The following SESN2 variants were observed in gnomAD, a reference collection of about 807,000 sequenced individuals.
SESN2 encodes the protein sestrin 2, also known as sestrin-2.
Under a neutral mutation model 56.0 loss-of-function variants are expected in SESN2, and 42 were observed. That is an observed-to-expected ratio of 0.75 (90% CI 0.59 to 0.97). SESN2 has a LOEUF of 0.97. Among genes scored for constraint, SESN2 ranks in the 50% least tolerant of loss-of-function variants. The pLI is 0.00. For missense variants in SESN2, 507 were observed against 649.4 expected (o/e 0.78, Z 2.38); for synonymous variants, 264 against 267.1 (o/e 0.99, Z 0.11).
Position 28,272,345 on chromosome 1 carries a change from C to A in SESN2, c.416C>A (p.Thr139Asn). ...VGSHMAEFLQ[T>N]GGDPEWLLGL... Reference sequence around the variant, plus strand: ...TCCCACATGGCCGAGTTTCTGCAGACTGGTGGTGACCCTGAGTGGCTGCTG... The same window carrying A: ...TCCCACATGGCCGAGTTTCTGCAGAATGGTGGTGACCCTGAGTGGCTGCTG... Residue 139 changes from threonine (T) to asparagine (N), a missense_variant, in exon 4 of 10, where the codon ACT becomes AAT. Transcript: ENST00000253063. 3 of 1,614,122 alleles carry A rather than the reference C, an allele frequency of 1.9e-6. No homozygotes were observed. Among genetic ancestry groups the A allele is most frequent in the Non-Finnish European group, 2.5e-6 (3 of 1,180,024 alleles).
intron 1 of SESN2, among the ~76,000 whole-genome samples, chr1:28,265,000 TCC>T (rs1186616428): frequency 1.3e-5 from 2 of 152,216 alleles, no homozygotes; most frequent in East Asian, 3.9e-4. Flanking sequence ...CTGGGTTGTA[TCC>T]CAGCCCTGCT....
At position 28,280,787 on chromosome 1, in the gene SESN2, C is replaced by G; in HGVS notation, c.1428C>G (p.Thr476=). The change falls in exon 10 of 10, where the codon ACC becomes ACG. Residue 476 remains threonine, a synonymous_variant. Coordinates refer to ENST00000253063, the MANE Select transcript of SESN2 (RefSeq NM_031459.5). Reference sequence around the variant, plus strand: ...TGCTGTACGCCCTCCGTGCCATCACCCGCTACATGACCTGACTCCTGAGCA... The same window carrying G: ...TGCTGTACGCCCTCCGTGCCATCACGCGCTACATGACCTGACTCCTGAGCA... ...AALLYALRAI[T]RYMT is the part of the protein sequence containing the mutation. 1 of 1,613,556 alleles carries G rather than the reference C, an allele frequency of 6.2e-7. No individual in the cohort carries two copies. The highest frequency in any genetic ancestry group is 1.1e-5 in the South Asian group (1 of 91,088).
chr1:28,270,597 G>A (rs1353518422), intron 2 of SESN2, among the ~76,000 whole-genome samples: 20 of 150,500 alleles, frequency 1.3e-4, no homozygotes, highest in Non-Finnish European at 8.9e-5. Flanking sequence ...TTGAAACGAA[G>A]TTTTGTTCTT....
At position 28,259,827 on chromosome 1, in the gene SESN2, G is replaced by T; in HGVS notation, c.-21G>T. 1 of 1,366,242 alleles carries T rather than the reference G, an allele frequency of 7.3e-7. No homozygotes were observed. The allele number at this position is 1,366,242 out of a possible 1,614,324, so 84.6% of individuals were successfully genotyped here. On this transcript the variant is annotated 5_prime_UTR_variant, in exon 1 of 10. Transcript: ENST00000253063. ...GGTGCACGGGTCGTCGGCGAGCCGC[G>T]ACCGGGTCCTGGCGCGCACCATGAT... is the stretch of plus-strand genomic sequence containing the variant.
At chr1:28,261,001 C>T (rs1003039377) in intron 1 of SESN2, among the ~76,000 whole-genome samples, 1 of 152,150 alleles carries the variant, frequency 6.6e-6, no homozygotes, top group Non-Finnish European at 1.5e-5. Context: ...TTCATTAACC[C>T]CACTGAATAT....
At chr1:28,279,900 C>T (rs1648174837) in intron 9 of SESN2, among the ~76,000 whole-genome samples, 1 of 152,022 alleles carries the variant, frequency 6.6e-6, no homozygotes. Context: ...GTTGCCCAGG[C>T]TGGAGCGCAG....
At position 28,279,151 on chromosome 1, in the gene SESN2, G is replaced by C; in HGVS notation, c.1266G>C (p.Lys422Asn). 1 of 1,614,142 alleles carries C rather than the reference G, an allele frequency of 6.2e-7. No individual in the cohort carries two copies. The highest frequency in any genetic ancestry group is 8.5e-7 in the Non-Finnish European group (1 of 1,179,984). The stretch of plus-strand genomic sequence containing the variant: ...ACCAGCTCCTGGAGCGGAACCTCAA[G>C]GTCTATATCAAGACAGTGGCCTGCT... ...EVNQLLERNL[K>N]VYIKTVACYP... is the part of the protein sequence containing the mutation. Residue 422 changes from lysine (K) to asparagine (N), a missense_variant, in exon 9 of 10, where the codon AAG becomes AAC. Physicochemically the swap from Lys to Asn is moderately conservative, Grantham distance 94. Coordinates refer to ENST00000253063, the MANE Select transcript of SESN2 (RefSeq NM_031459.5).
rs768128712 is a variant in SESN2, at chr1:28,272,290, G to A, written c.361G>A (p.Ala121Thr). Reference protein sequence around the residue: ...WRHYIAIMAAARHQCSYLVGS... With the variant: ...WRHYIAIMAATRHQCSYLVGS... ...GTGTCCACTACCTCCGCAGGCTGCC[G>A]CCCGCCATCAGTGTTCTTACCTGGT... The change falls in exon 4 of 10, where the codon GCC (alanine) becomes ACC (threonine). Residue 121 changes from alanine to threonine, a missense_variant. By Grantham distance (58) the Ala-to-Thr change is moderately conservative. Transcript: ENST00000253063. 57 of 1,613,584 alleles carry A rather than the reference G, an allele frequency of 3.5e-5. 1 individual carries two copies. The highest frequency in any genetic ancestry group is 2.0e-4 in the South Asian group (18 of 91,066).
chr1:28,279,252 T>C lies in SESN2; in HGVS notation c.1356+11T>C, dbSNP rs553811504. Reference sequence around the variant, plus strand: ...CGCCACTCAGAGAAGGTATGACCTATACAGGCAGGGCAGGATGGAAGTAGA... The same window carrying C: ...CGCCACTCAGAGAAGGTATGACCTACACAGGCAGGGCAGGATGGAAGTAGA... On this transcript the variant is annotated intron_variant, in intron 9 of 9. Coordinates refer to ENST00000253063, the MANE Select transcript of SESN2 (RefSeq NM_031459.5). 1.6e-5 allele frequency: 26 copies of C among 1,613,806 alleles called. No individual in the cohort carries two copies. The East Asian group carries it at 5.6e-4, about 35-fold the overall frequency.
chr1:28,271,658 C>T lies in SESN2; in HGVS notation c.157-16C>T, dbSNP rs1458803587. 1.2e-6 allele frequency: 2 copies of T among 1,608,670 alleles called. No homozygotes were observed. The highest frequency in any genetic ancestry group is 2.2e-5 in the East Asian group (1 of 44,884). On this transcript the variant is annotated splice_polypyrimidine_tract_variant and intron_variant, in intron 2 of 9. Transcript: ENST00000253063. ...GCAGGAGGGAAACCCATGCTCTCCTCCCCTTTGGTTGGCAGGTCCTTCGGG... is the reference window on the plus strand; with the variant it reads ...GCAGGAGGGAAACCCATGCTCTCCTTCCCTTTGGTTGGCAGGTCCTTCGGG...
chr1:28,269,690 A>G (rs1453156225), intron 2 of SESN2, among the ~76,000 whole-genome samples: 1 of 152,214 alleles, frequency 6.6e-6, no homozygotes, highest in Non-Finnish European at 1.5e-5. Flanking sequence ...TGCAGAGATC[A>G]TCACTGTTAA....
intron 4 of SESN2, 48 bp downstream of exon 4, chr1:28,272,514 C>A: frequency 6.2e-7 from 1 of 1,608,358 alleles, no homozygotes; most frequent in Non-Finnish European, 8.5e-7. Context: ...AGAGGCCTGG[C>A]TGGTGCCTGG....
intron 8 of SESN2, among the ~76,000 whole-genome samples, chr1:28,276,925 G>A (rs1282028170): frequency 9.1e-6 from 1 of 110,484 alleles, no homozygotes; most frequent in Non-Finnish European, 1.8e-5. Context: ...CTTTATTTTT[G>A]AGACGGAGTC....
rs117161934 is a variant in SESN2, at chr1:28,273,387, G to A, written c.780G>A (p.Ala260=). 1.4e-3 allele frequency: 2,177 copies of A among 1,607,108 alleles called. 40 individuals carry two copies. The East Asian group carries it at 0.027, about 20-fold the overall frequency. The change falls in exon 6 of 10, where the codon GCG becomes GCA. Residue 260 remains alanine, a synonymous_variant. Coordinates refer to ENST00000253063, the MANE Select transcript of SESN2 (RefSeq NM_031459.5). ...GGFESARDVE[A]LMERMQQLQE... ...TTGAGTCTGCCCGCGACGTGGAGGC[G>A]CTGATGGAGCGCATGCAGCAGCTGC...
At position 28,279,102 on chromosome 1, in the gene SESN2, A is replaced by G. The variant is rs1248617236; in HGVS notation, c.1217A>G (p.Asp406Gly). The G allele has an allele frequency of 1.2e-6, 2 of 1,614,160 alleles. No individual in the cohort carries two copies. Among genetic ancestry groups the G allele is most frequent in the Non-Finnish European group, 1.7e-6 (2 of 1,180,026 alleles). The change falls in exon 9 of 10, where the codon GAT (aspartate) becomes GGT (glycine). Residue 406 changes from aspartate (D) to glycine (G), a missense_variant. Coordinates refer to ENST00000253063, the MANE Select transcript of SESN2 (RefSeq NM_031459.5). The part of the protein sequence containing the change: ...YIHCVFGIRY[D>G]DYDYGEVNQL... Reference sequence around the variant, plus strand: ...GCTGGGACCTTTCCATCCAGATATGATGACTATGATTATGGGGAGGTGAAC... The same window carrying G: ...GCTGGGACCTTTCCATCCAGATATGGTGACTATGATTATGGGGAGGTGAAC...
intron 3 of SESN2, 106 bp downstream of exon 3, chr1:28,271,977 G>A: frequency 8.8e-7 from 1 of 1,136,812 alleles, no homozygotes; most frequent in South Asian, 1.3e-5. Flanking sequence ...GACAAGCAGG[G>A]AAAGCCCTGG....
At chr1:28,280,409 T>C (rs1426985579) in intron 9 of SESN2, among the ~76,000 whole-genome samples, 1 of 152,228 alleles carries the variant, frequency 6.6e-6, no homozygotes, top group African/African-American at 2.4e-5. Flanking sequence ...GGTTTCACTA[T>C]GTTGGCCAGG....
chr1:28,263,524 C>T (rs1647455070), intron 1 of SESN2, among the ~76,000 whole-genome samples: 1 of 152,128 alleles, frequency 6.6e-6, no homozygotes, highest in African/African-American at 2.4e-5. Flanking sequence ...TCTGTTCCTT[C>T]CCAGCTGGCA....
intron 2 of SESN2, among the ~76,000 whole-genome samples, chr1:28,271,380 C>T (rs935864610): frequency 7.9e-5 from 12 of 152,288 alleles, no homozygotes; most frequent in Non-Finnish European, 1.6e-4. Flanking sequence ...AGTGGAGAAA[C>T]AGAACTCCAG....
Sources: allele counts gnomAD v4.1 joint callset (sites outside exome capture counted in the v4.1 genomes callset), GRCh38; gene constraint gnomAD v4.1.1; transcripts MANE v1.5; gene names NCBI Gene and HGNC (gene_info 2026-07-23, HGNC 2026-07-21).